ZNF200: variants seen among roughly 807,000 people sequenced by gnomAD.
ZNF200 encodes zinc finger protein 200.
Under a neutral mutation model 33.6 loss-of-function variants are expected in ZNF200, and 35 were observed. The ratio of observed to expected loss-of-function variants is 1.04; its 90% CI spans 0.80 to 1.38. ZNF200 has a LOEUF of 1.38. Ranked by LOEUF, ZNF200 falls within the 40% of genes most tolerant of loss-of-function variation. ZNF200 has a pLI of 0.00. For missense variants in ZNF200, 592 were observed against 470.6 expected (o/e 1.26, Z -2.39); for synonymous variants, 209 against 167.7 (o/e 1.25, Z -1.90).
Position 3,223,797 on chromosome 16 carries a change from A to G in ZNF200, c.*95T>C, listed in dbSNP as rs879081757. On this transcript the variant is annotated 3_prime_UTR_variant, in exon 5 of 5. Transcript: ENST00000414144. ...TTTGGCAATAATGAGATTTTTACAC[A>G]TTTATACCTTTTTAGGCAGCTTGGG... The G allele has an allele frequency of 1.3e-6, 2 of 1,492,738 alleles. No homozygotes were observed. Among genetic ancestry groups the G allele is most frequent in the Non-Finnish European group, 1.8e-6 (2 of 1,125,102 alleles). 92.5% of individuals were successfully genotyped at this position (1,492,738 alleles called of 1,614,324 possible).
At chr16:3,234,792 T>C (rs1596345551) in intron 1 of ZNF200, 195 bp downstream of exon 1, 1 of 152,234 alleles carries the variant, frequency 6.6e-6, no homozygotes, top group African/African-American at 2.4e-5. Context: ...GACATCCCAC[T>C]AAGGACCGCC....
chr16:3,234,242 T>TA (rs879320030), intron 1 of ZNF200: 3,344 of 136,540 alleles, frequency 0.024, 87 homozygotes, highest in African/African-American at 0.069. Context: ...ACCGACTCCA[T>TA]AAAAAAAAAA....
chr16:3,230,329 A>G (rs1233240280), intron 4 of ZNF200, among the ~76,000 whole-genome samples: 1 of 152,234 alleles, frequency 6.6e-6, no homozygotes, highest in African/African-American at 2.4e-5. Flanking sequence ...AGAGTTTTAA[A>G]TTTTCCAGGT....
In ZNF200 at chr16:3,224,614, C is replaced by A; in HGVS notation, c.467-1G>T. The stretch of plus-strand genomic sequence containing the variant: ...CCTTCAGGATTACTGCCATTGACTG[C>A]TGAAACAAAGAGAGAATTTAACAAC... On this transcript the variant is annotated splice_acceptor_variant, in intron 4 of 4. Coordinates refer to ENST00000414144, the MANE Select transcript of ZNF200 (RefSeq NM_198088.3). LOFTEE classifies it high-confidence loss of function. 1 of 1,579,282 alleles carries A rather than the reference C, an allele frequency of 6.3e-7. No individual in the cohort carries two copies. The highest frequency in any genetic ancestry group is 8.6e-7 in the Non-Finnish European group (1 of 1,162,714).
intron 2 of ZNF200, 138 bp from the exon 3 acceptor site, chr16:3,233,059 A>C: frequency 1.4e-6 from 1 of 700,642 alleles, no homozygotes; most frequent in Non-Finnish European, 2.4e-6. Flanking sequence ...GCCCTTATAG[A>C]GTTCAAGCCA....
intron 4 of ZNF200, chr16:3,226,752 A>C (rs193214489): frequency 6.6e-6 from 1 of 152,202 alleles, no homozygotes; most frequent in African/African-American, 2.4e-5. Context: ...TTCTGTTGCT[A>C]TATCTGTAGG....
chr16:3,223,581 A>G lies in ZNF200; in HGVS notation c.*311T>C, dbSNP rs1367441746. On this transcript the variant is annotated 3_prime_UTR_variant, in exon 5 of 5. Transcript: ENST00000414144. ...CAAGTCACTCTTTGCCTTCCAAGTA[A>G]GCAGACTCCAGATTCATCTTCAAAG... 4.1e-6 allele frequency: 1 copy of G among 243,156 alleles called. No homozygotes were observed. The highest frequency in any genetic ancestry group is 2.3e-5 in the African/African-American group (1 of 44,392). 15.1% of individuals were successfully genotyped at this position (243,156 alleles called of 1,614,324 possible). A position where few individuals can be genotyped will look rare whatever the true frequency, so the allele number is the denominator to read the frequency against.
At chr16:3,225,138 G>C (rs999045296) in intron 4 of ZNF200, 3 of 152,700 alleles carry the variant, frequency 2.0e-5, no homozygotes, top group African/African-American at 7.2e-5. Flanking sequence ...AGAGGGCACA[G>C]CATATTCATA....
intron 4 of ZNF200, 47 bp from the exon 5 acceptor site, chr16:3,224,660 C>G (rs776612634): frequency 1.3e-6 from 2 of 1,522,598 alleles, no homozygotes. Context: ...TATCACAACA[C>G]CAGGCAGGAA....
At chr16:3,232,721 G>C (rs1958669595) in intron 3 of ZNF200, 112 bp downstream of exon 3, 1 of 1,432,834 alleles carries the variant, frequency 7.0e-7, no homozygotes, top group African/African-American at 1.4e-5. Flanking sequence ...CAAGGAAAAA[G>C]CAGAAGAAAA....
At chr16:3,230,077 T>C (rs1442281155) in intron 4 of ZNF200, among the ~76,000 whole-genome samples, 1 of 152,200 alleles carries the variant, frequency 6.6e-6, no homozygotes, top group Non-Finnish European at 1.5e-5. Flanking sequence ...TCACTAACAA[T>C]GTGGCTGTTT....
At position 3,224,071 on chromosome 16, in the gene ZNF200, T is replaced by TA; in HGVS notation, c.1008dup (p.Lys337Ter). 6.2e-7 allele frequency: 1 copy of TA among 1,614,196 alleles called. No individual in the cohort carries two copies. Among genetic ancestry groups the TA allele is most frequent in the Non-Finnish European group, 8.5e-7 (1 of 1,180,044 alleles). The stretch of plus-strand genomic sequence containing the variant: ...AAGGTTTTCCCACATTCTGGACACT[T>TA]AAATATCTTCTCCCTTATATGGATT... On this transcript the variant is annotated frameshift_variant, in exon 5 of 5. Coordinates refer to ENST00000414144, the MANE Select transcript of ZNF200 (RefSeq NM_198088.3). LOFTEE classifies it high-confidence loss of function.
chr16:3,224,300 CTG>C lies in ZNF200; in HGVS notation c.778_779del (p.Gln260ValfsTer2). ...RWYTCPLCGK[Q>X]FNESSYLISH... ...AAATGAGGTAAGAACTTTCATTAAA[CTG>C]TTTCCCACACAGTGGACAAGTGTAC... On this transcript the variant is annotated frameshift_variant, in exon 5 of 5. Coordinates refer to ENST00000414144, the MANE Select transcript of ZNF200 (RefSeq NM_198088.3). LOFTEE classifies it high-confidence loss of function. The C allele has an allele frequency of 5.0e-6, 8 of 1,614,136 alleles. No individual in the cohort carries two copies. Among genetic ancestry groups the C allele is most frequent in the Non-Finnish European group, 6.8e-6 (8 of 1,180,008 alleles).
Position 3,233,769 on chromosome 16 carries a change from A to C in ZNF200, c.-14T>G. On this transcript the variant is annotated 5_prime_UTR_variant, in exon 2 of 5. Coordinates refer to ENST00000414144, the MANE Select transcript of ZNF200 (RefSeq NM_198088.3). ...TGCAGCCATCATGCCTTGCAACCAC[A>C]CACCACACTCGTTTCGCGGGGCCTC... The C allele has an allele frequency of 1.9e-6, 3 of 1,602,022 alleles. No homozygotes were observed. Among genetic ancestry groups the C allele is most frequent in the Non-Finnish European group, 2.6e-6 (3 of 1,173,384 alleles).
At chr16:3,228,602 C>T (rs1283567105) in intron 4 of ZNF200, among the ~76,000 whole-genome samples, 1 of 152,036 alleles carries the variant, frequency 6.6e-6, no homozygotes, top group Non-Finnish European at 1.5e-5. Flanking sequence ...TCAAGTGATT[C>T]TCCTACCTCA....
At chr16:3,224,660 C>T in intron 4 of ZNF200, 47 bp from the exon 5 acceptor site, 1 of 1,522,598 alleles carries the variant, frequency 6.6e-7, no homozygotes, top group Non-Finnish European at 8.8e-7. Context: ...TATCACAACA[C>T]CAGGCAGGAA....
chr16:3,231,898 T>C (rs1190428294), intron 4 of ZNF200, among the ~76,000 whole-genome samples: 2 of 152,350 alleles, frequency 1.3e-5, no homozygotes, highest in East Asian at 1.9e-4. Flanking sequence ...CCACTCAGTA[T>C]TACTCTGAGA....
chr16:3,232,699 C>T (rs1326548115), intron 3 of ZNF200, 134 bp downstream of exon 3: 1 of 1,411,066 alleles, frequency 7.1e-7, no homozygotes, highest in African/African-American at 1.4e-5. Context: ...GACAGCCAGG[C>T]TGAGAAGGGC....
rs895544593 is a variant in ZNF200 at position 3,224,281 on chromosome 16, G to A, written c.799C>T (p.Leu267Phe). The change falls in exon 5 of 5, where the codon CTC (leucine) becomes TTC (phenylalanine). Residue 267 changes from leucine (L) to phenylalanine (F), a missense_variant. Leu to Phe is a conservative substitution (Grantham distance 22). Coordinates refer to ENST00000414144, the MANE Select transcript of ZNF200 (RefSeq NM_198088.3). ...CGKQFNESSY[L>F]ISHQRTHTGE... is the part of the protein sequence containing the mutation. The stretch of plus-strand genomic sequence containing the variant: ...GTGTGGGTCCTCTGGTGGGAAATGA[G>A]GTAAGAACTTTCATTAAACTGTTTC... The A allele has an allele frequency of 1.2e-6, 2 of 1,614,050 alleles. No homozygotes were observed. Among genetic ancestry groups the A allele is most frequent in the Non-Finnish European group, 1.7e-6 (2 of 1,180,008 alleles).
Sources: gnomAD v4.1 joint callset for allele counts (sites outside exome capture counted in the v4.1 genomes callset) on GRCh38, gnomAD v4.1.1 for gene constraint, MANE v1.5 for transcripts, NCBI Gene and HGNC (gene_info 2026-07-23, HGNC 2026-07-21) for gene names.